The following LURAP1L variants were observed in gnomAD, a reference collection of about 807,000 sequenced individuals.
LURAP1L encodes the protein leucine rich adaptor protein 1 like.
Under a neutral mutation model 13.8 loss-of-function variants are expected in LURAP1L, and 12 were observed. The ratio of observed to expected loss-of-function variants is 0.87; its 90% CI spans 0.56 to 1.41. The LOEUF is 1.41. Ranked by LOEUF, LURAP1L falls within the 40% of genes most tolerant of loss-of-function variation. The pLI is 0.00. For synonymous variants in LURAP1L, 139 were observed against 119.2 expected, an observed-to-expected ratio of 1.17 and a Z score of -1.08; for missense variants, 375 against 292.9, an observed-to-expected ratio of 1.28 and a Z score of -2.04.
intron 1 of LURAP1L, among the ~76,000 whole-genome samples, chr9:12,812,438 T>A (rs1211436750): frequency 6.6e-6 from 1 of 152,210 alleles, no homozygotes; most frequent in Non-Finnish European, 1.5e-5. Flanking sequence ...TCCTCACTTA[T>A]TTTTACTCAC....
intron 1 of LURAP1L, among the ~76,000 whole-genome samples, chr9:12,797,803 A>C (rs544352577): frequency 6.6e-6 from 1 of 152,306 alleles, no homozygotes; most frequent in South Asian, 2.1e-4. Flanking sequence ...ATAATTTGAC[A>C]TTCTCTTTGC....
intron 1 of LURAP1L, among the ~76,000 whole-genome samples, chr9:12,776,663 T>C (rs1433552236): frequency 6.6e-6 from 1 of 152,034 alleles, no homozygotes; most frequent in Non-Finnish European, 1.5e-5. Context: ...GAATAGCTTG[T>C]TTCACTATTT....
At chr9:12,814,288 C>G (rs1372572957) in intron 1 of LURAP1L, 1 of 152,126 alleles carries the variant, frequency 6.6e-6, no homozygotes, top group Non-Finnish European at 1.5e-5. Flanking sequence ...ATGCACAATA[C>G]TTACTATAAA....
chr9:12,793,982 G>C (rs1264362831), intron 1 of LURAP1L, among the ~76,000 whole-genome samples: 1 of 152,044 alleles, frequency 6.6e-6, no homozygotes, highest in Non-Finnish European at 1.5e-5. Context: ...GCACAAACTT[G>C]TTATTGGCAT....
At chr9:12,817,862 G>A (rs1012056107) in intron 1 of LURAP1L, among the ~76,000 whole-genome samples, 2 of 152,186 alleles carry the variant, frequency 1.3e-5, no homozygotes, top group African/African-American at 4.8e-5. Context: ...ACTGCACCTT[G>A]GTGCTTGGAG....
rs766178950 is a variant in LURAP1L, at chr9:12,821,686, A to T, written c.613A>T (p.Ser205Cys). Reference sequence around the variant, plus strand: ...TTCAGACTTGGACCAATTCAGTGACAGCTCCCTCATAGAGGACTCACAGGC... The same window carrying T: ...TTCAGACTTGGACCAATTCAGTGACTGCTCCCTCATAGAGGACTCACAGGC... ...TPSDLDQFSD[S>C]SLIEDSQALH... The change falls in exon 2 of 2, where the codon AGC (serine) becomes TGC (cysteine). Residue 205 changes from serine to cysteine, a missense_variant. Physicochemically the swap from Ser to Cys is moderately radical, Grantham distance 112 (BLOSUM62 -1). Coordinates refer to ENST00000319264, the MANE Select transcript of LURAP1L (RefSeq NM_203403.2). 15 of 1,614,134 alleles carry T rather than the reference A, an allele frequency of 9.3e-6. No individual in the cohort carries two copies. The highest frequency in any genetic ancestry group is 1.3e-5 in the Non-Finnish European group (15 of 1,180,018).
At chr9:12,784,540 A>G (rs1819322772) in intron 1 of LURAP1L, among the ~76,000 whole-genome samples, 1 of 152,178 alleles carries the variant, frequency 6.6e-6, no homozygotes. Context: ...TTTACCCCAA[A>G]CAAACAAGTT....
chr9:12,816,664 A>C (rs943193540), intron 1 of LURAP1L, among the ~76,000 whole-genome samples: 15 of 152,332 alleles, frequency 9.8e-5, no homozygotes, highest in African/African-American at 3.4e-4. Context: ...AAGATTCCTC[A>C]TTTCAAGTTC....
At chr9:12,776,578 TC>T (rs2118447639) in intron 1 of LURAP1L, among the ~76,000 whole-genome samples, 1 of 152,120 alleles carries the variant, frequency 6.6e-6, no homozygotes, top group East Asian at 1.9e-4. Flanking sequence ...CCGCAGCTGT[TC>T]CAAGGCCACT....
At chr9:12,795,812 T>C (rs906253231) in intron 1 of LURAP1L, among the ~76,000 whole-genome samples, 1 of 152,032 alleles carries the variant, frequency 6.6e-6, no homozygotes, top group Non-Finnish European at 1.5e-5. Flanking sequence ...TTTTATATCA[T>C]GGGATCATTA....
chr9:12,813,241 AAAGTATTTATATAAACCTACTAGTT>A (rs1435708607), intron 1 of LURAP1L, among the ~76,000 whole-genome samples: 2 of 152,206 alleles, frequency 1.3e-5, no homozygotes, highest in Non-Finnish European at 1.5e-5. Flanking sequence ...ATTAAAATTT[AAAGTATTTATATAAACCTACTAGTT>A]AAGTATTTAT....
intron 1 of LURAP1L, among the ~76,000 whole-genome samples, chr9:12,799,860 C>G (rs1369951274): frequency 1.5e-5 from 2 of 129,428 alleles, no homozygotes; most frequent in South Asian, 2.3e-4. Context: ...GGCGACAGAG[C>G]GAGACTCCGT....
intron 1 of LURAP1L, among the ~76,000 whole-genome samples, chr9:12,798,874 C>G (rs949849007): frequency 6.6e-6 from 1 of 152,190 alleles, no homozygotes; most frequent in Non-Finnish European, 1.5e-5. Context: ...GTTGATTTTA[C>G]ACCCAAGTGA....
chr9:12,821,976 T>G lies in LURAP1L; in HGVS notation c.*216T>G, dbSNP rs1819887776. The G allele has an allele frequency of 2.1e-6, 1 of 468,384 alleles. No homozygotes were observed. The allele number at this position is 468,384 out of a possible 1,614,324, so 29.0% of individuals were successfully genotyped here. A position where few individuals can be genotyped will look rare whatever the true frequency, so the allele number is the denominator to read the frequency against. On this transcript the variant is annotated 3_prime_UTR_variant, in exon 2 of 2. Transcript: ENST00000319264. ...CATCTCTATTTTTTATTTATTACAATGATTTTCTCCCTTCTTTTACAGTAG... is the reference window on the plus strand; with the variant it reads ...CATCTCTATTTTTTATTTATTACAAGGATTTTCTCCCTTCTTTTACAGTAG...
At chr9:12,804,245 T>A (rs569219911) in intron 1 of LURAP1L, among the ~76,000 whole-genome samples, 67 of 152,280 alleles carry the variant, frequency 4.4e-4, no homozygotes, top group African/African-American at 1.3e-3. Flanking sequence ...AGTTTTAAGC[T>A]CTTTTGTATC....
intron 1 of LURAP1L, among the ~76,000 whole-genome samples, chr9:12,780,019 T>G (rs1260876640): frequency 6.6e-6 from 1 of 152,174 alleles, no homozygotes; most frequent in Non-Finnish European, 1.5e-5. Context: ...CAGTTAAAGG[T>G]TCTCCTGACA....
chr9:12,800,831 T>C (rs914900112), intron 1 of LURAP1L, among the ~76,000 whole-genome samples: 2 of 152,094 alleles, frequency 1.3e-5, no homozygotes, highest in African/African-American at 2.4e-5. Context: ...TTAAATAAAT[T>C]ACCCCGTCTC....
chr9:12,782,376 T>G (rs1819285003), intron 1 of LURAP1L, among the ~76,000 whole-genome samples: 1 of 152,322 alleles, frequency 6.6e-6, no homozygotes, highest in East Asian at 1.9e-4. Flanking sequence ...CTTTTGGTAC[T>G]TTTATGTTTT....
Position 12,821,386 on chromosome 9 carries a change from G to T in LURAP1L, c.313G>T (p.Val105Phe). 1 of 1,612,048 alleles carries T rather than the reference G, an allele frequency of 6.2e-7. No individual in the cohort carries two copies. Among genetic ancestry groups the T allele is most frequent in the Non-Finnish European group, 8.5e-7 (1 of 1,178,480 alleles). ...TKLHLLRQEM[V>F]NLRATDVRLM... ...ATCTTTCTTCTCTCTTTGTCCATAG[G>T]TTAACCTCAGAGCCACAGACGTCAG... is the stretch of plus-strand genomic sequence containing the variant. The change falls in exon 2 of 2, where the codon GTT (valine) becomes TTT (phenylalanine). Residue 105 changes from valine (V) to phenylalanine (F), a missense_variant and splice_region_variant. Physicochemically the swap from Val to Phe is conservative, Grantham distance 50. Coordinates refer to ENST00000319264, the MANE Select transcript of LURAP1L (RefSeq NM_203403.2).
Sources: gnomAD v4.1 joint callset for allele counts (sites outside exome capture counted in the v4.1 genomes callset) on GRCh38, gnomAD v4.1.1 for gene constraint, MANE v1.5 for transcripts, NCBI Gene and HGNC (gene_info 2026-07-23, HGNC 2026-07-21) for gene names.